The following NXF1 variants were observed in gnomAD, a reference collection of about 807,000 sequenced individuals.
NXF1 encodes the protein mRNA export factor TAP.
A neutral mutation model predicts 92.4 loss-of-function variants in NXF1; 43 were observed. The observed-to-expected ratio is 0.47, with a 90% confidence interval of 0.36 to 0.60. The LOEUF (loss-of-function observed/expected upper bound fraction) is 0.60, where lower values mean the gene tolerates loss of function less well. NXF1 is among the 20% of genes least tolerant of loss of function. NXF1 has a pLI of 0.00. For missense variants in NXF1, 576 were observed against 793.0 expected, an observed-to-expected ratio of 0.73 and a Z score of 3.29; for synonymous variants, 288 against 292.2, an observed-to-expected ratio of 0.99 and a Z score of 0.15.
At chr11:62,798,713 C>T in intron 10 of NXF1, 138 bp from the exon 11 acceptor site, 1 of 1,475,052 alleles carries the variant, frequency 6.8e-7, no homozygotes, top group Non-Finnish European at 8.9e-7. Flanking sequence ...AGCCTGTGCT[C>T]AGGGAAAAAT....
chr11:62,795,746 G>C (rs1168472111), intron 17 of NXF1, among the ~76,000 whole-genome samples, 155 bp downstream of exon 17: 1 of 152,178 alleles, frequency 6.6e-6, no homozygotes, highest in Non-Finnish European at 1.5e-5. Context: ...GACAGGTGGA[G>C]AGGTAGGCCA....
intron 1 of NXF1, chr11:62,804,231 G>A: frequency 6.8e-7 from 1 of 1,468,348 alleles, no homozygotes; most frequent in Non-Finnish European, 9.0e-7. Context: ...AGAGAAGCAG[G>A]ATGTAGAAAT....
chr11:62,794,478 T>G (rs1042134129), intron 18 of NXF1, 38 bp from the exon 19 acceptor site: 1 of 1,554,406 alleles, frequency 6.4e-7, no homozygotes, highest in Non-Finnish European at 8.9e-7. Context: ...TAGACAGAGA[T>G]AACATCATCC....
rs1178035084 is a variant in NXF1 at position 62,798,434 on chromosome 11, A to G, written c.1053+105T>C. The G allele has an allele frequency of 1.8e-5, 27 of 1,474,524 alleles. No individual in the cohort carries two copies. The East Asian group carries it at 5.5e-4, about 30-fold the overall frequency. The allele number at this position is 1,474,524 out of a possible 1,614,324, so 91.3% of individuals were successfully genotyped here. A position where few individuals can be genotyped will look rare whatever the true frequency, so the allele number is the denominator to read the frequency against. ...GGGCGACGAGTGAAACTCCGTCTCA[A>G]ATAAAAAAAAAAAAAAGAAAAAGAA... On this transcript the variant is annotated intron_variant, in intron 11 of 20. Transcript: ENST00000294172.
chr11:62,804,089 A>T (rs2084508881), intron 1 of NXF1, 111 bp from the exon 2 acceptor site: 1 of 1,590,698 alleles, frequency 6.3e-7, no homozygotes, highest in Non-Finnish European at 8.5e-7. Flanking sequence ...TACTAACGAC[A>T]GAGGCCATCT....
intron 10 of NXF1, chr11:62,799,299 G>A (rs2084454270): frequency 2.0e-6 from 2 of 985,594 alleles, no homozygotes; most frequent in African/African-American, 3.5e-5. Flanking sequence ...AGGTAGAAAT[G>A]AGAAACAAAT....
chr11:62,792,440 T>C lies in NXF1; in HGVS notation c.*36A>G, dbSNP rs775875742. Reference sequence around the variant, plus strand: ...ACCAGACGGTAATATCCAAGGACTATTTACAGGGGGGACTGCTTCTGAGGC... The same window carrying C: ...ACCAGACGGTAATATCCAAGGACTACTTACAGGGGGGACTGCTTCTGAGGC... On this transcript the variant is annotated 3_prime_UTR_variant, in exon 21 of 21. Coordinates refer to ENST00000294172, the MANE Select transcript of NXF1 (RefSeq NM_006362.5). 23 of 1,613,340 alleles carry C rather than the reference T, an allele frequency of 1.4e-5. No individual in the cohort carries two copies. The South Asian group carries it at 2.4e-4, about 17-fold the overall frequency.
chr11:62,803,829 C>T lies in NXF1; in HGVS notation c.178G>A (p.Ala60Thr). The T allele has an allele frequency of 6.2e-7, 1 of 1,614,140 alleles. No individual in the cohort carries two copies. The highest frequency in any genetic ancestry group is 8.5e-7 in the Non-Finnish European group (1 of 1,179,990). Residue 60 changes from alanine (A) to threonine (T), a missense_variant, in exon 2 of 21, where the codon GCA becomes ACA. By Grantham distance (58) the Ala-to-Thr change is moderately conservative. Around this residue, in one of 2 missense-constraint regions of NXF1, gnomAD observed 151 missense variants for 157.8 expected, o/e 0.96. Transcript: ENST00000294172. ...GGACCATCCTGGGCATCACTCATTG[C>T]CACATCTCCATCATCTTCCTCAAGG... is the stretch of plus-strand genomic sequence containing the variant. ...SRLEEDDGDV[A>T]MSDAQDGPRV... is the part of the protein sequence containing the mutation.
intron 10 of NXF1, chr11:62,798,942 C>T: frequency 9.4e-7 from 1 of 1,067,856 alleles, no homozygotes; most frequent in Non-Finnish European, 1.1e-6. Context: ...GGCTCCGCTG[C>T]CTCACCAGGT....
chr11:62,805,313 G>C lies in NXF1; in HGVS notation c.28+16C>G. 1 of 1,599,288 alleles carries C rather than the reference G, an allele frequency of 6.3e-7. No individual in the cohort carries two copies. The highest frequency in any genetic ancestry group is 8.5e-7 in the Non-Finnish European group (1 of 1,173,762). ...GCCCCAGATAGCCAGTTCCCGACCC[G>C]AAGACCAGCACTTACCGCTGTACGA... On this transcript the variant is annotated intron_variant, in intron 1 of 20. Transcript: ENST00000294172.
chr11:62,798,577 T>C lies in NXF1; in HGVS notation c.1017-2A>G. ...TTGGGAAATCGTTCGCGAATGGCGCTGTCAAGAACGGGACAGAAGTGAGTG... is the reference window on the plus strand; with the variant it reads ...TTGGGAAATCGTTCGCGAATGGCGCCGTCAAGAACGGGACAGAAGTGAGTG... On this transcript the variant is annotated splice_acceptor_variant, in intron 10 of 20. Transcript: ENST00000294172. LOFTEE classifies it high-confidence loss of function. The C allele has an allele frequency of 6.2e-7, 1 of 1,614,142 alleles. No individual in the cohort carries two copies. Among genetic ancestry groups the C allele is most frequent in the Non-Finnish European group, 8.5e-7 (1 of 1,179,988 alleles).
chr11:62,805,107 G>C (rs1006965293), intron 1 of NXF1: 8 of 391,800 alleles, frequency 2.0e-5, no homozygotes, highest in Non-Finnish European at 3.2e-5. Flanking sequence ...CCCTACCCCC[G>C]AGCCATCCGC....
intron 17 of NXF1, 130 bp from the exon 18 acceptor site, chr11:62,795,137 A>G (rs2084407083): frequency 1.2e-6 from 1 of 844,536 alleles, no homozygotes; most frequent in Non-Finnish European, 1.9e-6. Context: ...ATATAAGGGT[A>G]TAAGGGAAGC....
chr11:62,795,086 G>A (rs1565197657), intron 17 of NXF1, 79 bp from the exon 18 acceptor site: 1 of 1,331,728 alleles, frequency 7.5e-7, no homozygotes, highest in South Asian at 1.2e-5. Context: ...CATGGTCTTT[G>A]ATATAAAGAA....
At chr11:62,801,262 C>T in intron 8 of NXF1, 61 bp from the exon 9 acceptor site, 3 of 1,602,744 alleles carry the variant, frequency 1.9e-6, no homozygotes, top group South Asian at 1.1e-5. Context: ...GACGAATCTG[C>T]CCTCCAGCCA....
rs138988501 is a variant in NXF1 at position 62,800,132 on chromosome 11, G to T, written c.1016+245C>A. On this transcript the variant is annotated intron_variant, in intron 10 of 20. Coordinates refer to ENST00000294172, the MANE Select transcript of NXF1 (RefSeq NM_006362.5). ...GAGATTCTAGAAAAGGTTGTGTTCA[G>T]GAAGAAAGAGAAAGGCCACAGACCC... 424 of 1,365,704 alleles carry T rather than the reference G, an allele frequency of 3.1e-4. 2 individuals are homozygous for T. The African/African-American group carries it at 5.6e-3, about 18-fold the overall frequency. 84.6% of individuals were successfully genotyped at this position (1,365,704 alleles called of 1,614,324 possible). A position where few individuals can be genotyped will look rare whatever the true frequency, so the allele number is the denominator to read the frequency against.
chr11:62,800,495 G>T lies in NXF1; in HGVS notation c.907-9C>A, dbSNP rs1282992529. 6.2e-7 allele frequency: 1 copy of T among 1,606,550 alleles called. No individual in the cohort carries two copies. The highest frequency in any genetic ancestry group is 8.5e-7 in the Non-Finnish European group (1 of 1,174,354). Reference sequence around the variant, plus strand: ...TCCCGCTCAGACTTCAACTGCAAAGGGTGGAAGGAACAAAGGGAGGAGACC... The same window carrying T: ...TCCCGCTCAGACTTCAACTGCAAAGTGTGGAAGGAACAAAGGGAGGAGACC... On this transcript the variant is annotated splice_polypyrimidine_tract_variant and intron_variant, in intron 9 of 20. Coordinates refer to ENST00000294172, the MANE Select transcript of NXF1 (RefSeq NM_006362.5).
chr11:62,804,207 G>A, intron 1 of NXF1: 1 of 1,507,506 alleles, frequency 6.6e-7, no homozygotes, highest in Non-Finnish European at 8.9e-7. Flanking sequence ...AAATGAAGTA[G>A]AAACTGGAAT....
At chr11:62,800,605 CTTTTTTT>C in intron 9 of NXF1, 119 bp from the exon 10 acceptor site, 3 of 482,018 alleles carry the variant, frequency 6.2e-6, no homozygotes, top group Non-Finnish European at 1.1e-5. Context: ...AAAATTTTTT[CTTTTTTT>C]TTTTTTTTTG....
Sources: allele counts gnomAD v4.1 joint callset (sites outside exome capture counted in the v4.1 genomes callset), GRCh38; gene constraint gnomAD v4.1.1; regional missense constraint gnomAD v4.1.1; transcripts MANE v1.5; gene names NCBI Gene and HGNC (gene_info 2026-07-23, HGNC 2026-07-21).